The following UBTD2 variants were observed in gnomAD, a reference collection of about 807,000 sequenced individuals.
The protein encoded by UBTD2 is ubiquitin domain-containing protein 2.
UBTD2 carries 9 observed loss-of-function variants against 19.8 expected under a neutral mutation model. The ratio of observed to expected loss-of-function variants is 0.46; its 90% CI spans 0.27 to 0.79. UBTD2 has a LOEUF of 0.79. UBTD2 is among the 30% of genes least tolerant of loss of function. The probability of loss-of-function intolerance (pLI) is 0.14; values close to 1 mark genes in which losing one functional copy is unlikely to be tolerated. For missense variants in UBTD2, 250 were observed against 300.4 expected (o/e 0.83, Z 1.24); for synonymous variants, 98 against 103.9 (o/e 0.94, Z 0.35).
intron 2 of UBTD2, among the ~76,000 whole-genome samples, chr5:172,221,362 A>T (rs1035446406): frequency 6.6e-6 from 1 of 152,056 alleles, no homozygotes; most frequent in Non-Finnish European, 1.5e-5. Flanking sequence ...AAAATTAGCC[A>T]GGCATGGTGG....
intron 1 of UBTD2, among the ~76,000 whole-genome samples, chr5:172,261,167 C>CGA (rs1755263187): frequency 6.6e-6 from 1 of 152,198 alleles, no homozygotes; most frequent in East Asian, 1.9e-4. Context: ...AAGAATGTCT[C>CGA]TGCTCCCTTT....
rs1383921602 is a variant in UBTD2 at position 172,283,459 on chromosome 5, G to A, written c.70+137C>T. The stretch of plus-strand genomic sequence containing the variant: ...CGCGGCTGGCAGGACAGCCGGAAGC[G>A]GAGCGCGGGGAATGACGTGGAAGAG... On this transcript the variant is annotated intron_variant, in intron 1 of 2. Transcript: ENST00000393792. This position sits in a 1 kb window ranked among gnomAD's most constrained non-coding sequence, Gnocchi z 4.3. 6.2e-6 allele frequency: 4 copies of A among 647,128 alleles called. No homozygotes were observed. The Admixed American group carries it at 1.4e-4, about 22-fold the overall frequency. The allele number at this position is 647,128 out of a possible 1,614,324, so 40.1% of individuals were successfully genotyped here. A position where few individuals can be genotyped will look rare whatever the true frequency, so the allele number is the denominator to read the frequency against.
intron 1 of UBTD2, among the ~76,000 whole-genome samples, chr5:172,262,706 T>C (rs954966717): frequency 6.6e-6 from 1 of 151,758 alleles, no homozygotes; most frequent in African/African-American, 2.4e-5. Context: ...TCCCAGCTAC[T>C]TGGGAGGCTG....
chr5:172,282,057 T>C (rs1316020700), intron 1 of UBTD2, among the ~76,000 whole-genome samples: 1 of 152,160 alleles, frequency 6.6e-6, no homozygotes. Context: ...CCACATACAT[T>C]ACGGAGAAGA....
intron 1 of UBTD2, among the ~76,000 whole-genome samples, chr5:172,273,590 CAAAAAAA>C (rs35687001): frequency 8.2e-4 from 30 of 36,416 alleles, no homozygotes; most frequent in Non-Finnish European, 9.3e-4. Context: ...GACTCCGTCT[CAAAAAAA>C]AAAAAAAAAA....
At chr5:172,257,424 G>C (rs1755178641) in intron 1 of UBTD2, among the ~76,000 whole-genome samples, 4 of 152,042 alleles carry the variant, frequency 2.6e-5, no homozygotes, top group Admixed American at 2.0e-4. Context: ...CTTTGCTATT[G>C]GGAATGGTAT....
chr5:172,226,996 A>AG (rs528172531), intron 2 of UBTD2, among the ~76,000 whole-genome samples: 8 of 152,328 alleles, frequency 5.3e-5, no homozygotes, highest in Non-Finnish European at 7.3e-5. Context: ...CACAGTTTTA[A>AG]GGGGGACACT....
rs149640065 is a variant in UBTD2 at position 172,213,217 on chromosome 5, G to A, written c.308-990C>T. Among the ~76,000 whole-genome samples the A allele has an allele frequency of 4.3e-3, 656 of 151,114 alleles. 4 individuals carry two copies. The highest frequency in any genetic ancestry group is 0.015 in the African/African-American group (635 of 41,126). On this transcript the variant is annotated intron_variant, in intron 2 of 2. Coordinates refer to ENST00000393792, the MANE Select transcript of UBTD2 (RefSeq NM_152277.3). ...TGTTGGCCAGGCTGGTCTCAAACTC[G>A]TGACCTCAAATGATCCACCTGCCTT...
In UBTD2 at chr5:172,211,596, C is replaced by T; in HGVS notation, c.*234G>A. 1 of 431,358 alleles carries T rather than the reference C, an allele frequency of 2.3e-6. No individual in the cohort carries two copies. Among genetic ancestry groups the T allele is most frequent in the Non-Finnish European group, 4.1e-6 (1 of 246,302 alleles). The allele number at this position is 431,358 out of a possible 1,614,324, so 26.7% of individuals were successfully genotyped here. A position where few individuals can be genotyped will look rare whatever the true frequency, so the allele number is the denominator to read the frequency against. ...TAAATGGTTATCTATTTCTTAACTGCCTTTCAAATTAGAAATTGTAATTAC... is the reference window on the plus strand; with the variant it reads ...TAAATGGTTATCTATTTCTTAACTGTCTTTCAAATTAGAAATTGTAATTAC... On this transcript the variant is annotated 3_prime_UTR_variant, in exon 3 of 3. Transcript: ENST00000393792.
chr5:172,274,529 A>G (rs563797684), intron 1 of UBTD2, among the ~76,000 whole-genome samples: 1 of 152,290 alleles, frequency 6.6e-6, no homozygotes, highest in South Asian at 2.1e-4. Context: ...CATAATGGAC[A>G]CTGAAAATAC....
chr5:172,259,087 T>C (rs1755215541), intron 1 of UBTD2, among the ~76,000 whole-genome samples: 1 of 152,198 alleles, frequency 6.6e-6, no homozygotes, highest in Admixed American at 6.5e-5. Context: ...GGGTTTGTCA[T>C]AGACGGCTCT....
At position 172,231,649 on chromosome 5, in the gene UBTD2, T is replaced by C. The variant is rs79710232; in HGVS notation, c.307+2473A>G. ...TGCAACCAGGTATTCCAGTAGGTAA[T>C]TATAAGTACAAAATAAGAAATTCAA... On this transcript the variant is annotated intron_variant, in intron 2 of 2. Coordinates refer to ENST00000393792, the MANE Select transcript of UBTD2 (RefSeq NM_152277.3). Among the ~76,000 whole-genome samples the C allele has an allele frequency of 6.0e-3, 918 of 152,246 alleles. 8 individuals are homozygous for C. Among genetic ancestry groups the C allele is most frequent in the Non-Finnish European group, 8.4e-3 (573 of 68,020 alleles).
At chr5:172,232,049 T>C (rs1015582655) in intron 2 of UBTD2, among the ~76,000 whole-genome samples, 4 of 152,282 alleles carry the variant, frequency 2.6e-5, no homozygotes, top group South Asian at 2.1e-4. Flanking sequence ...GGCAGGCAGA[T>C]AGCTTGAGGC....
chr5:172,243,555 T>A lies in UBTD2; in HGVS notation c.71-9197A>T, dbSNP rs1171396042. On this transcript the variant is annotated intron_variant, in intron 1 of 2. Transcript: ENST00000393792. ...CCAGCCTCCAGAATTGTGAGAAACC[T>A]TTTTTTTTTTTTTTTTTTTTTTAAG... is the stretch of plus-strand genomic sequence containing the variant. Among the ~76,000 whole-genome samples, 109 of 15,384 alleles carry A rather than the reference T, an allele frequency of 7.1e-3. No individual in the cohort carries two copies. The African/African-American group carries it at 0.11, about 15-fold the overall frequency. The allele number at this position is 15,384 out of a possible 152,430, so 10.1% of individuals were successfully genotyped here. A position where few individuals can be genotyped will look rare whatever the true frequency, so the allele number is the denominator to read the frequency against.
intron 1 of UBTD2, among the ~76,000 whole-genome samples, chr5:172,281,907 G>C (rs1238205863): frequency 6.6e-6 from 1 of 152,110 alleles, no homozygotes; most frequent in Non-Finnish European, 1.5e-5. Context: ...AGTCCTCAAA[G>C]AAACTGATAC....
At chr5:172,235,867 G>C (rs1465436105) in intron 1 of UBTD2, among the ~76,000 whole-genome samples, 1 of 152,226 alleles carries the variant, frequency 6.6e-6, no homozygotes, top group Non-Finnish European at 1.5e-5. Flanking sequence ...TGTTGGAAAA[G>C]AGTGGGTGGG....
chr5:172,218,520 T>C (rs1009110003), intron 2 of UBTD2, among the ~76,000 whole-genome samples: 1 of 152,186 alleles, frequency 6.6e-6, no homozygotes, highest in Non-Finnish European at 1.5e-5. Flanking sequence ...CTGTGGCCCA[T>C]GCCTGTAATC....
chr5:172,255,007 C>A, intron 1 of UBTD2: 1 of 556,074 alleles, frequency 1.8e-6, no homozygotes, highest in Non-Finnish European at 3.6e-6. Context: ...GCTGGATGAC[C>A]AGCAAGATCC....
At chr5:172,248,454 G>A (rs1754926938) in intron 1 of UBTD2, among the ~76,000 whole-genome samples, 1 of 152,028 alleles carries the variant, frequency 6.6e-6, no homozygotes, top group Non-Finnish European at 1.5e-5. Flanking sequence ...TGGGTGTGGC[G>A]GCACACCCCC....
Sources: gnomAD v4.1 joint callset for allele counts (sites outside exome capture counted in the v4.1 genomes callset) on GRCh38, gnomAD v4.1.1 for gene constraint, Gnocchi (gnomAD v3.1) non-coding constraint, MANE v1.5 for transcripts, NCBI Gene and HGNC (gene_info 2026-07-23, HGNC 2026-07-21) for gene names.